The following POLE variants were observed in gnomAD, a reference collection of about 807,000 sequenced individuals.
The protein encoded by POLE is DNA polymerase epsilon catalytic subunit A.
In POLE, 188 loss-of-function variants were observed where a neutral mutation model predicts 279.2. The observed-to-expected ratio is 0.67, with a 90% CI of 0.60 to 0.76. The LOEUF (loss-of-function observed/expected upper bound fraction) is 0.76. POLE is among the 30% of genes least tolerant of loss of function. POLE has a pLI of 0.00. For synonymous variants in POLE, 1,214 were observed against 1,172.5 expected, an observed-to-expected ratio of 1.04 and a Z score of -0.72; for missense variants, 2,703 against 3,016.7, an observed-to-expected ratio of 0.90 and a Z score of 2.44.
chr12:132,648,079 T>C (rs1394301441), intron 32 of POLE, among the ~76,000 whole-genome samples: 1 of 152,128 alleles, frequency 6.6e-6, no homozygotes, highest in Non-Finnish European at 1.5e-5. Flanking sequence ...AGCCGACACA[T>C]TAACAACGGG....
rs2136021245 is a variant in POLE, at chr12:132,677,687, T to A, written c.611A>T (p.Glu204Val). The A allele has an allele frequency of 6.2e-7, 1 of 1,614,132 alleles. No homozygotes were observed. The highest frequency in any genetic ancestry group is 8.5e-7 in the Non-Finnish European group (1 of 1,179,992). The change falls in exon 7 of 49, where the codon GAA (glutamate) becomes GTA (valine). Residue 204 changes from glutamate to valine, a missense_variant. By Grantham distance (121) the Glu-to-Val change is moderately radical (BLOSUM62 -2). This residue lies in a region of POLE where 1,011 missense variants were observed against 1,111.7 expected (regional missense o/e 0.91). Coordinates refer to ENST00000320574, the MANE Select transcript of POLE (RefSeq NM_006231.4). ...AGCTATCTTCTTAGAGGTTTCCTCT[T>A]CATCAGTAATGACACCGCCCCTCTG... Reference protein sequence around the residue: ...VLQRGGVITDEEETSKKIADQ... With the variant: ...VLQRGGVITDVEETSKKIADQ...
chr12:132,672,590 G>C, intron 15 of POLE, 37 bp downstream of exon 15: 2 of 1,593,126 alleles, frequency 1.3e-6, no homozygotes. Flanking sequence ...CACAGCACAA[G>C]AGTGGGAAGA....
At chr12:132,669,931 C>T (rs1218446171) in intron 16 of POLE, among the ~76,000 whole-genome samples, 1 of 152,214 alleles carries the variant, frequency 6.6e-6, no homozygotes, top group African/African-American at 2.4e-5. Context: ...ATCTACAGAG[C>T]TCCCTTCCTC....
chr12:132,663,243 ACT>A (rs2042718099), intron 23 of POLE, among the ~76,000 whole-genome samples: 1 of 152,168 alleles, frequency 6.6e-6, no homozygotes, highest in Non-Finnish European at 1.5e-5. Flanking sequence ...TGTATTTACG[ACT>A]GAAGAGCCGT....
chr12:132,632,388 A>G lies in POLE; in HGVS notation c.6257T>C (p.Met2086Thr), dbSNP rs528752399. The G allele has an allele frequency of 5.6e-6, 9 of 1,614,042 alleles. No individual in the cohort carries two copies. The highest frequency in any genetic ancestry group is 2.2e-5 in the East Asian group (1 of 44,882). Reference sequence around the variant, plus strand: ...GTGGGAACCGGGGAGGACAGGAAACATCTCTGAGAGCTCAGTGGAGTTCCG... The same window carrying G: ...GTGGGAACCGGGGAGGACAGGAAACGTCTCTGAGAGCTCAGTGGAGTTCCG... Reference protein sequence around the residue: ...GSRNSTELSEMFPVLPGSHLL... With the variant: ...GSRNSTELSETFPVLPGSHLL... The change falls in exon 45 of 49, where the codon ATG (methionine) becomes ACG (threonine). Residue 2086 changes from methionine to threonine, a missense_variant. Met to Thr is a moderately conservative substitution (Grantham distance 81). This residue lies in a region of POLE where 1,551 missense variants were observed against 1,686.1 expected (regional missense o/e 0.92). Transcript: ENST00000320574.
In POLE at chr12:132,677,306, A is replaced by G. The variant is rs1165610198; in HGVS notation, c.801+57T>C. 3.2e-6 allele frequency: 4 copies of G among 1,238,258 alleles called. No homozygotes were observed. The African/African-American group carries it at 4.4e-5, about 14-fold the overall frequency. The allele number at this position is 1,238,258 out of a possible 1,614,324, so 76.7% of individuals were successfully genotyped here. A position where few individuals can be genotyped will look rare whatever the true frequency, so the allele number is the denominator to read the frequency against. The stretch of plus-strand genomic sequence containing the variant: ...CAGATTCACTCTCCAGCACTGAAGA[A>G]TATTCTCTCCAGAAAACTGGAAATT... On this transcript the variant is annotated intron_variant, in intron 8 of 48. Transcript: ENST00000320574.
chr12:132,640,365 C>G (rs1462903421), intron 39 of POLE, among the ~76,000 whole-genome samples: 1 of 152,194 alleles, frequency 6.6e-6, no homozygotes, highest in Non-Finnish European at 1.5e-5. Context: ...TGGGTCTTCC[C>G]TACGACACTA....
At chr12:132,640,099 T>C (rs997702535) in intron 39 of POLE, among the ~76,000 whole-genome samples, 6 of 152,182 alleles carry the variant, frequency 3.9e-5, no homozygotes, top group African/African-American at 1.4e-4. Context: ...TTCCTTTAAA[T>C]GGACCATTCA....
chr12:132,638,254 G>A (rs1341719840), intron 40 of POLE, 115 bp from the exon 41 acceptor site: 12 of 838,118 alleles, frequency 1.4e-5, no homozygotes, highest in African/African-American at 3.5e-5. Flanking sequence ...AAAAGCCTCC[G>A]AGATACACTA....
chr12:132,670,185 A>G (rs1220608984), intron 16 of POLE, among the ~76,000 whole-genome samples: 1 of 151,638 alleles, frequency 6.6e-6, no homozygotes, highest in East Asian at 2.0e-4. Flanking sequence ...AGCCTGGCCA[A>G]CATGGAGAAA....
At chr12:132,649,230 C>A in intron 31 of POLE, 76 bp downstream of exon 31, 2 of 1,548,710 alleles carry the variant, frequency 1.3e-6, no homozygotes, top group Non-Finnish European at 8.9e-7. Context: ...CATCCCAGAC[C>A]TCAGGGCCCA....
intron 20 of POLE, among the ~76,000 whole-genome samples, chr12:132,667,197 G>C (rs1355385173): frequency 1.3e-5 from 2 of 152,142 alleles, no homozygotes. Context: ...AATAGGCGAA[G>C]GCAGTTGGGT....
rs1270401168 is a variant in POLE, at chr12:132,681,243, C to G, written c.99G>C (p.Lys33Asn). 1 of 1,614,222 alleles carries G rather than the reference C, an allele frequency of 6.2e-7. No homozygotes were observed. Among genetic ancestry groups the G allele is most frequent in the Non-Finnish European group, 8.5e-7 (1 of 1,180,038 alleles). ...DGATSSVSAL[K>N]RLERSQWTDK... ...CCGTCCACTGACTCCGTTCCAGGCG[C>G]TTGAGTGCCGAAACTGAGGAAGTGG... Residue 33 changes from lysine (K) to asparagine (N), a missense_variant, in exon 2 of 49, where the codon AAG becomes AAC. Coordinates refer to ENST00000320574, the MANE Select transcript of POLE (RefSeq NM_006231.4).
rs991178451 is a variant in POLE at position 132,634,701 on chromosome 12, T to C, written c.5812-323A>G. Among the ~76,000 whole-genome samples the C allele has an allele frequency of 2.0e-5, 3 of 152,116 alleles. No homozygotes were observed. Among genetic ancestry groups the C allele is most frequent in the Non-Finnish European group, 4.4e-5 (3 of 68,006 alleles). On this transcript the variant is annotated intron_variant, in intron 42 of 48. Transcript: ENST00000320574. The surrounding 1 kb of genome is among the most constrained non-coding windows in gnomAD (Gnocchi z 4.0). ...GAACCAGCCAGAGCTTCCCGGTGACTGTTCTCTCCTCTGAGTCCATGAATC... is the reference window on the plus strand; with the variant it reads ...GAACCAGCCAGAGCTTCCCGGTGACCGTTCTCTCCTCTGAGTCCATGAATC...
chr12:132,675,985 G>C lies in POLE; in HGVS notation c.1020+109C>G. 1 of 927,928 alleles carries C rather than the reference G, an allele frequency of 1.1e-6. No homozygotes were observed. Among genetic ancestry groups the C allele is most frequent in the South Asian group, 1.5e-5 (1 of 66,948 alleles). The allele number at this position is 927,928 out of a possible 1,614,324, so 57.5% of individuals were successfully genotyped here. A position where few individuals can be genotyped will look rare whatever the true frequency, so the allele number is the denominator to read the frequency against. Reference sequence around the variant, plus strand: ...AAGACGGTCATACCCTGAGAACAAAGCTCATGGAGCTGCAATTCTGATCTG... The same window carrying C: ...AAGACGGTCATACCCTGAGAACAAACCTCATGGAGCTGCAATTCTGATCTG... On this transcript the variant is annotated intron_variant, in intron 10 of 48. Transcript: ENST00000320574. This position sits in a 1 kb window ranked among gnomAD's most constrained non-coding sequence, Gnocchi z 4.3.
At chr12:132,655,403 T>A (rs1366205380) in intron 29 of POLE, among the ~76,000 whole-genome samples, 2 of 152,242 alleles carry the variant, frequency 1.3e-5, no homozygotes, top group African/African-American at 4.8e-5. Flanking sequence ...ATATGGTCAT[T>A]ATTTTATGTA....
chr12:132,636,040 T>C lies in POLE; in HGVS notation c.5679-16A>G. ...TGAATGGATGCTGCAGAGGAAGCATTGAAGACGCTGCTTCAGTGAAATCGA... is the reference window on the plus strand; with the variant it reads ...TGAATGGATGCTGCAGAGGAAGCATCGAAGACGCTGCTTCAGTGAAATCGA... On this transcript the variant is annotated splice_polypyrimidine_tract_variant and intron_variant, in intron 41 of 48. Transcript: ENST00000320574. 6.2e-7 allele frequency: 1 copy of C among 1,607,158 alleles called. No individual in the cohort carries two copies. The highest frequency in any genetic ancestry group is 8.5e-7 in the Non-Finnish European group (1 of 1,176,838).
chr12:132,654,768 G>T (rs1221433940), intron 29 of POLE, among the ~76,000 whole-genome samples: 1 of 152,112 alleles, frequency 6.6e-6, no homozygotes, highest in Non-Finnish European at 1.5e-5. Flanking sequence ...CTCCAGCCTG[G>T]GTGACACAAT....
At position 132,625,690 on chromosome 12, in the gene POLE, C is replaced by T. The variant is rs2138427686; in HGVS notation, c.6612G>A (p.Val2204=). The T allele has an allele frequency of 1.9e-6, 3 of 1,613,804 alleles. No individual in the cohort carries two copies. The highest frequency in any genetic ancestry group is 1.1e-5 in the South Asian group (1 of 91,090). ...YDSSAIEMTL[V]EVLQKKLMAF... is the part of the protein sequence containing the mutation. ...CCATCAGCTTCTTCTGTAGAACTTC[C>T]ACCAGCGTCATCTCGATGGCAGAGG... Residue 2204 remains valine, a synonymous_variant, in exon 47 of 49, where the codon GTG becomes GTA. Transcript: ENST00000320574.
Sources: allele counts gnomAD v4.1 joint callset (sites outside exome capture counted in the v4.1 genomes callset), GRCh38; gene constraint gnomAD v4.1.1; regional missense constraint gnomAD v4.1.1; non-coding constraint Gnocchi (gnomAD v3.1); transcripts MANE v1.5; gene names NCBI Gene and HGNC (gene_info 2026-07-23, HGNC 2026-07-21).